The following ACVR1 variants were observed in gnomAD, a reference collection of about 807,000 sequenced individuals.
ACVR1 encodes the protein activin receptor type-1.
In ACVR1, 38 loss-of-function variants were observed where a neutral mutation model predicts 57.1. That is an observed-to-expected ratio of 0.67 (90% CI 0.51 to 0.87). The LOEUF is 0.87. Ranked by LOEUF, ACVR1 falls within the 40% of genes least tolerant of loss-of-function variation. The pLI, the probability that ACVR1 is intolerant of heterozygous loss-of-function variation, is 0.00. For missense variants in ACVR1, 463 were observed against 638.2 expected, an observed-to-expected ratio of 0.73 and a Z score of 2.96; for synonymous variants, 212 against 228.1, an observed-to-expected ratio of 0.93 and a Z score of 0.63.
intron 3 of ACVR1, among the ~76,000 whole-genome samples, chr2:157,794,912 C>T (rs922775170): frequency 2.0e-5 from 3 of 150,568 alleles, no homozygotes; most frequent in African/African-American, 7.3e-5. Flanking sequence ...CTGTTTAGAA[C>T]TAATATTTGA....
At chr2:157,845,090 C>G (rs1405535449) in intron 1 of ACVR1, among the ~76,000 whole-genome samples, 1 of 152,120 alleles carries the variant, frequency 6.6e-6, no homozygotes, top group Non-Finnish European at 1.5e-5. Context: ...TGAGAATTAT[C>G]CAAAAATAGT....
At chr2:157,863,436 C>CCTG (rs1319964446) in intron 1 of ACVR1, among the ~76,000 whole-genome samples, 1 of 129,484 alleles carries the variant, frequency 7.7e-6, no homozygotes, top group Non-Finnish European at 1.6e-5. Context: ...GTGGCTCACG[C>CCTG]CTGTAATCCC....
intron 9 of ACVR1, among the ~76,000 whole-genome samples, chr2:157,745,023 G>C (rs544909933): frequency 6.6e-6 from 1 of 152,284 alleles, no homozygotes; most frequent in Admixed American, 6.5e-5. Context: ...GTAATTCATG[G>C]GCTTACGGAG....
At chr2:157,802,564 A>C (rs1176744349) in intron 2 of ACVR1, among the ~76,000 whole-genome samples, 2 of 152,052 alleles carry the variant, frequency 1.3e-5, no homozygotes, top group African/African-American at 2.4e-5. Flanking sequence ...CTATCTCTGG[A>C]CATCTGTACG....
chr2:157,785,831 T>A (rs1282031234), intron 3 of ACVR1, among the ~76,000 whole-genome samples: 1 of 152,152 alleles, frequency 6.6e-6, no homozygotes, highest in Non-Finnish European at 1.5e-5. Context: ...CCGCCAATGT[T>A]CCCTGCCTCA....
chr2:157,870,780 T>C (rs1433433028), intron 1 of ACVR1, among the ~76,000 whole-genome samples: 1 of 152,184 alleles, frequency 6.6e-6, no homozygotes, highest in African/African-American at 2.4e-5. Flanking sequence ...ACACAATAAA[T>C]GTTTGTGGAA....
intron 1 of ACVR1, among the ~76,000 whole-genome samples, chr2:157,843,692 C>T (rs144458366): frequency 1.3e-5 from 2 of 152,166 alleles, no homozygotes; most frequent in Admixed American, 1.3e-4. Flanking sequence ...AAAGGATTAA[C>T]ATGTACCTTC....
At chr2:157,808,415 T>C (rs1276180796) in intron 2 of ACVR1, among the ~76,000 whole-genome samples, 2 of 152,214 alleles carry the variant, frequency 1.3e-5, no homozygotes, top group Non-Finnish European at 2.9e-5. Flanking sequence ...GGTGGGTTTG[T>C]ATGTCCCCAG....
At position 157,800,488 on chromosome 2, in the gene ACVR1, T is replaced by TA. The variant is rs5835679; in HGVS notation, c.-7-989dup. Reference sequence around the variant, plus strand: ...ATTTGTTTTTAATTATTTTTAAAATTAAAAAAAAATCAATTTTTTTGGCTG... The same window carrying TA: ...ATTTGTTTTTAATTATTTTTAAAATTAAAAAAAAAATCAATTTTTTTGGCTG... On this transcript the variant is annotated intron_variant, in intron 2 of 10. Coordinates refer to ENST00000434821, the MANE Select transcript of ACVR1 (RefSeq NM_001111067.4). Among the ~76,000 whole-genome samples, 15 of 151,660 alleles carry TA rather than the reference T, an allele frequency of 9.9e-5. No individual in the cohort carries two copies. In the South Asian group the frequency reaches 1.5e-3, roughly 15 times the overall value.
intron 6 of ACVR1, among the ~76,000 whole-genome samples, chr2:157,772,474 A>G (rs1486477377): frequency 6.6e-6 from 1 of 152,216 alleles, no homozygotes; most frequent in Non-Finnish European, 1.5e-5. Flanking sequence ...TTTAGTCCTA[A>G]CCCAAGAAAA....
At chr2:157,764,669 G>T (rs1199153614) in intron 8 of ACVR1, among the ~76,000 whole-genome samples, 1 of 152,082 alleles carries the variant, frequency 6.6e-6, no homozygotes, top group Non-Finnish European at 1.5e-5. Flanking sequence ...CAGGTAAATA[G>T]ATAAATAGAC....
chr2:157,875,232 G>A (rs1353428316), intron 1 of ACVR1: 1 of 152,260 alleles, frequency 6.6e-6, no homozygotes, highest in South Asian at 2.1e-4. Flanking sequence ...ATCGGAAGAT[G>A]AATCCCACAT....
intron 1 of ACVR1, among the ~76,000 whole-genome samples, chr2:157,843,748 T>C (rs905414745): frequency 6.6e-6 from 1 of 152,222 alleles, no homozygotes; most frequent in African/African-American, 2.4e-5. Flanking sequence ...ATAATGGTTA[T>C]GTTGCACAGA....
At chr2:157,785,621 C>T (rs944140885) in intron 3 of ACVR1, among the ~76,000 whole-genome samples, 1 of 152,172 alleles carries the variant, frequency 6.6e-6, no homozygotes, top group African/African-American at 2.4e-5. Context: ...TAAATAATCT[C>T]TCATTATAAA....
At position 157,737,142 on chromosome 2, in the gene ACVR1, G is replaced by A. The variant is rs1684561831; in HGVS notation, c.*389C>T. ...GAAGAGAAGCACAGGCAATATTGCT[G>A]ATTAAAAATTCACCACCTCCTTGAG... is the stretch of plus-strand genomic sequence containing the variant. On this transcript the variant is annotated 3_prime_UTR_variant, in exon 11 of 11. Coordinates refer to ENST00000434821, the MANE Select transcript of ACVR1 (RefSeq NM_001111067.4). 5.8e-6 allele frequency: 2 copies of A among 344,960 alleles called. No homozygotes were observed. The highest frequency in any genetic ancestry group is 7.6e-5 in the South Asian group (2 of 26,286). The allele number at this position is 344,960 out of a possible 1,614,324, so 21.4% of individuals were successfully genotyped here.
At chr2:157,776,155 C>A (rs894335463) in intron 5 of ACVR1, among the ~76,000 whole-genome samples, 1 of 152,196 alleles carries the variant, frequency 6.6e-6, no homozygotes, top group Admixed American at 6.5e-5. Context: ...GTGTTCTTTA[C>A]TGTGTTATTA....
intron 9 of ACVR1, 106 bp from the exon 10 acceptor site, chr2:157,738,676 A>T (rs144898346): frequency 6.4e-7 from 1 of 1,551,138 alleles, no homozygotes. Flanking sequence ...AGAAAATACT[A>T]ATCACCTTCC....
chr2:157,859,468 C>CT (rs1689650365), intron 1 of ACVR1, among the ~76,000 whole-genome samples: 1 of 152,212 alleles, frequency 6.6e-6, no homozygotes, highest in African/African-American at 2.4e-5. Context: ...CCTTTACTTT[C>CT]TTAATAAACT....
intron 2 of ACVR1, among the ~76,000 whole-genome samples, chr2:157,810,920 C>A (rs1380477089): frequency 6.6e-6 from 1 of 152,140 alleles, no homozygotes; most frequent in African/African-American, 2.4e-5. Flanking sequence ...TTTAGTCTTA[C>A]CTTATCCTTC....
Sources: allele counts gnomAD v4.1 joint callset (sites outside exome capture counted in the v4.1 genomes callset), GRCh38; gene constraint gnomAD v4.1.1; transcripts MANE v1.5; gene names NCBI Gene and HGNC (gene_info 2026-07-23, HGNC 2026-07-21).